SLC24A2: variants seen among roughly 807,000 people sequenced by gnomAD.
The protein encoded by SLC24A2 is sodium/potassium/calcium exchanger 2.
Under a neutral mutation model 62.0 loss-of-function variants are expected in SLC24A2, and 36 were observed. That is an observed-to-expected ratio of 0.58 (90% CI 0.44 to 0.77). The LOEUF (loss-of-function observed/expected upper bound fraction) is 0.77. SLC24A2 is among the 30% of genes least tolerant of loss of function. The pLI is 0.00. For missense variants in SLC24A2, 846 were observed against 817.9 expected, an observed-to-expected ratio of 1.03 and a Z score of -0.42; for synonymous variants, 358 against 294.0, an observed-to-expected ratio of 1.22 and a Z score of -2.23.
chr9:19,925,775 ATGTT>A, the SLC24A2 span, among the ~76,000 whole-genome samples: 2 of 152,206 alleles, frequency 1.3e-5, no homozygotes, highest in Non-Finnish European at 2.9e-5. Flanking sequence ...AATGTAAGGA[ATGTT>A]TGGCTTCTGG....
the SLC24A2 span, among the ~76,000 whole-genome samples, chr9:20,103,354 C>T: frequency 2.1e-4 from 32 of 152,222 alleles, no homozygotes; most frequent in Non-Finnish European, 3.4e-4. Flanking sequence ...ATGGTTCTCC[C>T]AGCATGCAGC....
the SLC24A2 span, among the ~76,000 whole-genome samples, chr9:20,216,658 T>G: frequency 1.3e-5 from 2 of 152,198 alleles, no homozygotes; most frequent in African/African-American, 4.8e-5. Flanking sequence ...TTTTGGTAGG[T>G]TAAATGGACA....
At chr9:20,307,592 G>A in the SLC24A2 span, among the ~76,000 whole-genome samples, 204 of 152,306 alleles carry the variant, frequency 1.3e-3, 5 homozygotes, top group East Asian at 0.037. Context: ...CTCATTTGGC[G>A]TTTAGAGTTA....
chr9:20,166,128 A>G, the SLC24A2 span, among the ~76,000 whole-genome samples: 1 of 151,968 alleles, frequency 6.6e-6, no homozygotes, highest in Non-Finnish European at 1.5e-5. Flanking sequence ...GTTGACTATA[A>G]TCTGTTGGCA....
the SLC24A2 span, among the ~76,000 whole-genome samples, chr9:20,225,202 T>A: frequency 1.3e-5 from 2 of 152,074 alleles, no homozygotes; most frequent in African/African-American, 2.4e-5. Context: ...TATTGAGTTA[T>A]AATGTAAAAT....
At chr9:19,720,025 G>C (rs1340112271) in intron 2 of SLC24A2, among the ~76,000 whole-genome samples, 1 of 152,146 alleles carries the variant, frequency 6.6e-6, no homozygotes, top group Admixed American at 6.5e-5. Context: ...TTTCTACAGA[G>C]GCTGGGAAGT....
At chr9:20,181,267 T>G in the SLC24A2 span, among the ~76,000 whole-genome samples, 144 of 149,878 alleles carry the variant, frequency 9.6e-4, 1 homozygote, top group African/African-American at 2.7e-3. Flanking sequence ...AAAGAAAAAA[T>G]AAAGCCTATA....
the SLC24A2 span, among the ~76,000 whole-genome samples, chr9:20,269,310 T>C: frequency 6.6e-6 from 1 of 152,160 alleles, no homozygotes; most frequent in African/African-American, 2.4e-5. Context: ...AGGAGACGCA[T>C]CCATGATGTT....
intron 7 of SLC24A2, among the ~76,000 whole-genome samples, chr9:19,551,471 A>T (rs961404115): frequency 6.6e-6 from 1 of 152,094 alleles, no homozygotes. Context: ...TACTTCCAAA[A>T]CAGCACTGTA....
chr9:19,982,421 T>C, the SLC24A2 span, among the ~76,000 whole-genome samples: 1 of 152,196 alleles, frequency 6.6e-6, no homozygotes, highest in Non-Finnish European at 1.5e-5. Context: ...GTTTACATTT[T>C]ATCCAGCAAA....
chr9:19,903,769 T>C, the SLC24A2 span, among the ~76,000 whole-genome samples: 1 of 152,308 alleles, frequency 6.6e-6, no homozygotes, highest in South Asian at 2.1e-4. Flanking sequence ...CTCTTTAAGA[T>C]GGTCCAGTAT....
intron 8 of SLC24A2, among the ~76,000 whole-genome samples, chr9:19,537,035 T>A (rs796580657): frequency 2.3e-4 from 34 of 149,170 alleles, no homozygotes; most frequent in Non-Finnish European, 1.9e-4. Flanking sequence ...CTTTGCCCAC[T>A]TTTTGATGGG....
rs185746615 is a variant in SLC24A2, at chr9:19,542,541, G to A, written c.1479+7596C>T. Among the ~76,000 whole-genome samples the A allele has an allele frequency of 3.0e-4, 46 of 152,242 alleles. 1 individual carries two copies. The East Asian group carries it at 6.9e-3, about 23-fold the overall frequency. On this transcript the variant is annotated intron_variant, in intron 8 of 10. Transcript: ENST00000341998. ...CCAGTTTTCAAAGGGAATGCTTCCA[G>A]TTTTTGCCCATTCAGTACGATATTG...
chr9:19,905,504 G>A, the SLC24A2 span, among the ~76,000 whole-genome samples: 3 of 151,420 alleles, frequency 2.0e-5, no homozygotes, highest in South Asian at 6.3e-4. Flanking sequence ...TGCTTCCTAG[G>A]TTCAAGCAAT....
At chr9:19,635,765 T>A (rs746575636) in intron 2 of SLC24A2, among the ~76,000 whole-genome samples, 1 of 152,242 alleles carries the variant, frequency 6.6e-6, no homozygotes, top group Non-Finnish European at 1.5e-5. Flanking sequence ...TATCAATATG[T>A]CTATATTAAT....
chr9:19,604,966 G>A (rs554778020), intron 4 of SLC24A2, among the ~76,000 whole-genome samples: 74 of 152,264 alleles, frequency 4.9e-4, no homozygotes, highest in Admixed American at 8.5e-4. Context: ...TCCATCTGTT[G>A]TAAGTATAAA....
chr9:19,797,839 C>A, the SLC24A2 span, among the ~76,000 whole-genome samples: 1 of 152,204 alleles, frequency 6.6e-6, no homozygotes, highest in Non-Finnish European at 1.5e-5. Flanking sequence ...GTCTCCTGGC[C>A]ATAAAGGATG....
chr9:20,066,566 G>T, the SLC24A2 span, among the ~76,000 whole-genome samples: 2 of 152,138 alleles, frequency 1.3e-5, no homozygotes, highest in African/African-American at 4.8e-5. Flanking sequence ...TACTTTAAGA[G>T]AATTCTGTCC....
At chr9:19,940,457 AT>A in the SLC24A2 span, among the ~76,000 whole-genome samples, 726 of 152,286 alleles carry the variant, frequency 4.8e-3, 2 homozygotes, top group Admixed American at 7.3e-3. Context: ...GGTAAATTGT[AT>A]GTTCTTATTG....
Sources: gnomAD v4.1 joint callset for allele counts (sites outside exome capture counted in the v4.1 genomes callset) on GRCh38, gnomAD v4.1.1 for gene constraint, MANE v1.5 for transcripts, NCBI Gene and HGNC (gene_info 2026-07-23, HGNC 2026-07-21) for gene names.